The following CEP76 variants were observed in gnomAD, a reference collection of about 807,000 sequenced individuals.
CEP76 encodes centrosomal protein 76.
CEP76 carries 55 observed loss-of-function variants against 83.3 expected under a neutral mutation model. The ratio of observed to expected loss-of-function variants is 0.66; its 90% confidence interval spans 0.53 to 0.83. The LOEUF (loss-of-function observed/expected upper bound fraction) is 0.83. Ranked by LOEUF, CEP76 falls within the 40% of genes least tolerant of loss-of-function variation. CEP76 has a pLI of 0.00. For missense variants in CEP76, 694 were observed against 799.5 expected (o/e 0.87, Z 1.59); for synonymous variants, 270 against 274.5 (o/e 0.98, Z 0.16).
At chr18:12,677,764 C>T (rs1267258656) in intron 10 of CEP76, among the ~76,000 whole-genome samples, 1 of 152,106 alleles carries the variant, frequency 6.6e-6, no homozygotes, top group African/African-American at 2.4e-5. Flanking sequence ...CAGCCTAACC[C>T]AGGATTTTTT....
At chr18:12,668,597 C>CAA (rs752216074), downstream of CEP76, among the ~76,000 whole-genome samples, 1,926 of 72,586 alleles carry the variant, frequency 0.027, 321 homozygotes, top group East Asian at 0.055. Flanking sequence ...GATTCCATCT[C>CAA]AAAAAAAAAA....
intron 10 of CEP76, among the ~76,000 whole-genome samples, chr18:12,675,400 AAAAT>A (rs558595811): frequency 6.2e-4 from 95 of 152,220 alleles, no homozygotes; most frequent in African/African-American, 2.1e-3. Flanking sequence ...TGTCTCAAAA[AAAAT>A]AAATAAATAA....
intron 8 of CEP76, among the ~76,000 whole-genome samples, chr18:12,682,240 A>T (rs968520658): frequency 6.7e-6 from 1 of 150,192 alleles, no homozygotes; most frequent in Non-Finnish European, 1.5e-5. Flanking sequence ...TCTCAGCTCA[A>T]TGCTGCCTTG....
At chr18:12,686,826 A>C (rs1206090493) in intron 7 of CEP76, 3 of 158,168 alleles carry the variant, frequency 1.9e-5, no homozygotes, top group Non-Finnish European at 4.2e-5. Context: ...ATTTAACAAC[A>C]TATAGCCAGA....
At chr18:12,696,081 C>T (rs536766181) in intron 5 of CEP76, among the ~76,000 whole-genome samples, 115 of 152,032 alleles carry the variant, frequency 7.6e-4, no homozygotes, top group Non-Finnish European at 1.4e-3. Flanking sequence ...GTCACTGCTA[C>T]GATTATCATG....
chr18:12,698,927 AAACAT>A, intron 4 of CEP76, 47 bp downstream of exon 4: 1 of 1,282,182 alleles, frequency 7.8e-7, no homozygotes, highest in South Asian at 1.3e-5. Context: ...TTTCACAATA[AAACAT>A]AACAAAGATT....
At chr18:12,667,826 G>A (rs1444865846), downstream of CEP76, among the ~76,000 whole-genome samples, 7 of 135,608 alleles carry the variant, frequency 5.2e-5, no homozygotes, top group Non-Finnish European at 7.9e-5. Flanking sequence ...GAAAGCAATA[G>A]ACCTGCAGGT....
chr18:12,679,686 G>A (rs2039276922), intron 9 of CEP76, among the ~76,000 whole-genome samples: 1 of 152,150 alleles, frequency 6.6e-6, no homozygotes, highest in African/African-American at 2.4e-5. Context: ...CCAACGTGGA[G>A]ATGGTAACCA....
chr18:12,674,480 G>A (rs1410535624), intron 11 of CEP76, 56 bp downstream of exon 11: 16 of 1,312,760 alleles, frequency 1.2e-5, no homozygotes, highest in South Asian at 7.3e-5. Flanking sequence ...AACCCCTGCC[G>A]GACTGATCTG....
At chr18:12,680,355 G>GA (rs1185992128) in intron 9 of CEP76, among the ~76,000 whole-genome samples, 2 of 151,880 alleles carry the variant, frequency 1.3e-5, no homozygotes, top group Non-Finnish European at 2.9e-5. Context: ...CAGCACTTTG[G>GA]GAGGCTGAGG....
Position 12,678,475 on chromosome 18 carries a change from CTTAAAAA to C in CEP76, c.1290-40_1290-34del, listed in dbSNP as rs763149385. The C allele has an allele frequency of 7.8e-5, 112 of 1,440,454 alleles. No homozygotes were observed. The East Asian group carries it at 1.9e-3, about 24-fold the overall frequency. 89.2% of individuals were successfully genotyped at this position (1,440,454 alleles called of 1,614,324 possible). A position where few individuals can be genotyped will look rare whatever the true frequency, so the allele number is the denominator to read the frequency against. ...AATTAAATAATTTTATATATGAGAA[CTTAAAAA>C]TTAAAAAGGCAGCATCTTACTGAGA... On this transcript the variant is annotated intron_variant, in intron 9 of 11. Transcript: ENST00000262127.
At chr18:12,702,459 G>T (rs1275406004) in intron 1 of CEP76, 27 bp downstream of exon 1, 2 of 1,559,610 alleles carry the variant, frequency 1.3e-6, no homozygotes, top group East Asian at 2.3e-5. Flanking sequence ...CGGCCCGGCG[G>T]TCTCTCCCAG....
At position 12,662,582 on chromosome 18, in the gene CEP76, C is replaced by G. The variant is rs570420304; in HGVS notation, c.*1728-413G>C. 2.3e-3 allele frequency among the ~76,000 whole-genome samples: 351 copies of G among 152,238 alleles called. 3 individuals are homozygous for G. The highest frequency in any genetic ancestry group is 0.014 in the South Asian group (69 of 4,820). On this transcript the variant is annotated intron_variant and NMD_transcript_variant, in intron 12 of 12. Coordinates refer to the CEP76 transcript ENST00000590143. ...TTTGAGCTCACAAGTTTGAGACCAG[C>G]CTGGGCAATGTGATGAAAATCCATC... is the stretch of plus-strand genomic sequence containing the variant.
intron 10 of CEP76, 37 bp from the exon 11 acceptor site, chr18:12,674,790 C>T (rs2039062990): frequency 1.2e-5 from 16 of 1,373,096 alleles, no homozygotes; most frequent in Non-Finnish European, 1.5e-5. Flanking sequence ...AAGTGAAATA[C>T]ATTAATATTT....
chr18:12,686,739 T>G (rs1485961817), intron 7 of CEP76: 2 of 249,424 alleles, frequency 8.0e-6, no homozygotes, highest in Non-Finnish European at 7.8e-6. Flanking sequence ...AGAACTCCTC[T>G]GAGAAATGTG....
intron 1 of CEP76, 62 bp downstream of exon 1, chr18:12,702,424 C>A: frequency 1.5e-6 from 2 of 1,334,706 alleles, no homozygotes; most frequent in Non-Finnish European, 2.1e-6. Context: ...CCGGGGCCGC[C>A]GGGCAGGAGG....
chr18:12,699,697 T>C, intron 3 of CEP76, 133 bp downstream of exon 3: 3 of 571,764 alleles, frequency 5.2e-6, no homozygotes, highest in Non-Finnish European at 6.1e-6. Context: ...CAATCTGTTT[T>C]AGCCAACCAT....
intron 6 of CEP76, among the ~76,000 whole-genome samples, chr18:12,694,061 G>A (rs1412242145): frequency 6.6e-6 from 1 of 152,028 alleles, no homozygotes; most frequent in Non-Finnish European, 1.5e-5. Context: ...CTAAACTGCT[G>A]GACTCAAAAG....
At chr18:12,667,848 CT>C (rs36019439), downstream of CEP76, among the ~76,000 whole-genome samples, 41,857 of 116,510 alleles carry the variant, frequency 0.36, 8,007 homozygotes, top group Non-Finnish European at 0.42. Flanking sequence ...CTTTCTGATC[CT>C]TTTTTTTTTT....
Sources: gnomAD v4.1 joint callset for allele counts (sites outside exome capture counted in the v4.1 genomes callset) on GRCh38, gnomAD v4.1.1 for gene constraint, MANE v1.5 for transcripts, NCBI Gene and HGNC (gene_info 2026-07-23, HGNC 2026-07-21) for gene names.